PIEZO2: variants seen among roughly 807,000 people sequenced by gnomAD.
The protein encoded by PIEZO2 is piezo-type mechanosensitive ion channel component 2.
Under a neutral mutation model 337.3 loss-of-function variants are expected in PIEZO2, and 172 were observed. The observed-to-expected ratio is 0.51, with a 90% CI of 0.45 to 0.58. PIEZO2 has a LOEUF of 0.58. Ranked by LOEUF, PIEZO2 falls within the 20% of genes least tolerant of loss-of-function variation. The probability of loss-of-function intolerance (pLI) is 0.00; values close to 1 mark genes in which losing one functional copy is unlikely to be tolerated. For missense variants in PIEZO2, 3,028 were observed against 3,391.3 expected (o/e 0.89, Z 2.66); for synonymous variants, 1,251 against 1,228.5 (o/e 1.02, Z -0.38).
chr18:10,879,488 C>T (rs1029104791), intron 4 of PIEZO2, among the ~76,000 whole-genome samples: 13 of 151,430 alleles, frequency 8.6e-5, no homozygotes, highest in South Asian at 4.2e-4. Flanking sequence ...CTCCGCCTCC[C>T]GGGTTCATGC....
chr18:10,855,478 G>A lies in PIEZO2; in HGVS notation c.792C>T (p.Asp264=), dbSNP rs749553994. The A allele has an allele frequency of 2.0e-6, 3 of 1,537,122 alleles. 1 individual carries two copies. The highest frequency in any genetic ancestry group is 3.3e-4 in the Middle Eastern group (2 of 5,990). Reference sequence around the variant, plus strand: ...CACAGAGACAGCTGAACAGCAATGGGTCGAACGTCCGGCACCAGGACCACC... The same window carrying A: ...CACAGAGACAGCTGAACAGCAATGGATCGAACGTCCGGCACCAGGACCACC... The part of the protein sequence containing the change: ...CTWWSWCRTF[D]PLLFSCLCVL... The change falls in exon 7 of 56, where the codon GAC becomes GAT. Residue 264 remains aspartate (D), a synonymous_variant. Coordinates refer to ENST00000674853, the MANE Select transcript of PIEZO2 (RefSeq NM_001378183.1). This position sits in a 1 kb window ranked among gnomAD's most constrained non-coding sequence, Gnocchi z 4.9.
rs879437450 is a variant in PIEZO2 at position 10,759,225 on chromosome 18, GTGTT to G, written c.3757+253_3757+256del. Among the ~76,000 whole-genome samples, 1,666 of 141,896 alleles carry G rather than the reference GTGTT, an allele frequency of 0.012. 39 individuals carry two copies. The highest frequency in any genetic ancestry group is 0.038 in the African/African-American group (1,497 of 39,290). 93.1% of individuals were successfully genotyped at this position (141,896 alleles called of 152,430 possible). On this transcript the variant is annotated intron_variant, in intron 26 of 55. Transcript: ENST00000674853. The surrounding 1 kb of genome is among the most constrained non-coding windows in gnomAD (Gnocchi z 5.5). ...TAAATGTGTGTGTGTGTGTGTGTGTGTGTTTGTGTGTGTGTGTTGGGGGAAGTGA... is the reference window on the plus strand; with the variant it reads ...TAAATGTGTGTGTGTGTGTGTGTGTGTGTGTGTGTGTGTTGGGGGAAGTGA...
At chr18:10,774,386 T>A (rs2865124) in intron 18 of PIEZO2, among the ~76,000 whole-genome samples, 1 of 152,106 alleles carries the variant, frequency 6.6e-6, no homozygotes, top group Non-Finnish European at 1.5e-5. Flanking sequence ...TTTTAAAAAT[T>A]TCTTGAAAGA....
intron 2 of PIEZO2, among the ~76,000 whole-genome samples, chr18:11,013,949 A>G (rs1484531966): frequency 1.3e-5 from 2 of 152,254 alleles, no homozygotes; most frequent in Non-Finnish European, 2.9e-5. Context: ...ACCGAGGGAT[A>G]CAAGACAGCT....
intron 36 of PIEZO2, among the ~76,000 whole-genome samples, chr18:10,721,872 G>A (rs868409013): frequency 2.6e-5 from 4 of 152,086 alleles, no homozygotes; most frequent in East Asian, 3.9e-4. Context: ...AATTTAAGAC[G>A]TAGCCAGGTG....
intron 4 of PIEZO2, 70 bp from the exon 5 acceptor site, chr18:10,871,485 A>T (rs1247058575): frequency 4.3e-6 from 6 of 1,386,712 alleles, no homozygotes; most frequent in Non-Finnish European, 5.8e-6. Flanking sequence ...ACTGCCTTAT[A>T]GGATGTTTTG....
rs8089885 is a variant in PIEZO2 at position 10,817,644 on chromosome 18, C to T, written c.918-10370G>A. ...TCTTCAAAATAGTAGGACTTTATGG[C>T]TGGGCGCGGTGGCTCACGCCTGTAA... On this transcript the variant is annotated intron_variant, in intron 7 of 55. Transcript: ENST00000674853. 2.9e-3 allele frequency among the ~76,000 whole-genome samples: 443 copies of T among 152,248 alleles called. 2 individuals are homozygous for T. The highest frequency in any genetic ancestry group is 0.01 in the African/African-American group (421 of 41,544).
At chr18:10,927,416 G>A (rs1192436443) in intron 3 of PIEZO2, among the ~76,000 whole-genome samples, 1 of 152,102 alleles carries the variant, frequency 6.6e-6, no homozygotes, top group Non-Finnish European at 1.5e-5. Flanking sequence ...CCGTGGGTGG[G>A]GGACGCCTTG....
intron 3 of PIEZO2, among the ~76,000 whole-genome samples, chr18:10,974,731 C>A (rs900611567): frequency 3.1e-4 from 47 of 152,208 alleles, no homozygotes; most frequent in African/African-American, 1.1e-3. Context: ...CCTACCTCAG[C>A]ACTATCTGCA....
intron 1 of PIEZO2, among the ~76,000 whole-genome samples, chr18:11,113,062 T>A (rs2039782282): frequency 6.6e-6 from 1 of 152,186 alleles, no homozygotes; most frequent in African/African-American, 2.4e-5. Flanking sequence ...GCTGATTGAC[T>A]CATGAAATCC....
intron 3 of PIEZO2, among the ~76,000 whole-genome samples, chr18:10,963,512 G>A (rs974796129): frequency 1.6e-4 from 24 of 152,096 alleles, no homozygotes; most frequent in African/African-American, 3.9e-4. Context: ...CACATTAACC[G>A]GTTACATTAG....
chr18:10,691,154 T>A, intron 48 of PIEZO2, 71 bp downstream of exon 48: 1 of 1,506,270 alleles, frequency 6.6e-7, no homozygotes, highest in Non-Finnish European at 9.1e-7. Context: ...TACTTCCCAG[T>A]TGGGAATCAA....
chr18:10,802,451 C>A (rs72986085), intron 9 of PIEZO2, among the ~76,000 whole-genome samples: 42,532 of 151,974 alleles, frequency 0.28, 6,965 homozygotes, highest in Middle Eastern at 0.41. Context: ...TTTAAAAAAA[C>A]CCATTGTGTG....
chr18:11,103,459 T>C (rs1006493377), intron 1 of PIEZO2, among the ~76,000 whole-genome samples: 2 of 152,220 alleles, frequency 1.3e-5, no homozygotes, highest in Non-Finnish European at 2.9e-5. Context: ...CTAAGCCAGA[T>C]AGAATCTGAA....
At chr18:11,061,048 T>C (rs2037933779) in intron 2 of PIEZO2, among the ~76,000 whole-genome samples, 1 of 152,168 alleles carries the variant, frequency 6.6e-6, no homozygotes, top group Non-Finnish European at 1.5e-5. Flanking sequence ...CATAAAAAGC[T>C]TATCCACCAT....
In PIEZO2 at chr18:10,877,821, C is replaced by A. The variant is rs114596818; in HGVS notation, c.330-6406G>T. Among the ~76,000 whole-genome samples, 1 of 152,160 alleles carries A rather than the reference C, an allele frequency of 6.6e-6. No homozygotes were observed. Reference sequence around the variant, plus strand: ...CCCAGGAAACATCCACATTCCTAAGCGTGACAAGGGGCCCTCCACATCCCA... The same window carrying A: ...CCCAGGAAACATCCACATTCCTAAGAGTGACAAGGGGCCCTCCACATCCCA... On this transcript the variant is annotated intron_variant, in intron 4 of 55. Coordinates refer to ENST00000674853, the MANE Select transcript of PIEZO2 (RefSeq NM_001378183.1). This position sits in a 1 kb window ranked among gnomAD's most constrained non-coding sequence, Gnocchi z 5.3.
At chr18:10,804,519 G>A (rs181746574) in intron 8 of PIEZO2, among the ~76,000 whole-genome samples, 8 of 152,254 alleles carry the variant, frequency 5.3e-5, no homozygotes, top group Admixed American at 3.3e-4. Context: ...GAAGCGCTTC[G>A]GTGCCTTAGC....
At chr18:11,037,307 A>G (rs2036958152) in intron 2 of PIEZO2, among the ~76,000 whole-genome samples, 1 of 152,228 alleles carries the variant, frequency 6.6e-6, no homozygotes, top group Non-Finnish European at 1.5e-5. Context: ...CCCAACTTAA[A>G]AGATGTATCC....
chr18:10,747,885 C>G (rs2037489185), intron 30 of PIEZO2, among the ~76,000 whole-genome samples: 1 of 152,142 alleles, frequency 6.6e-6, no homozygotes, highest in Non-Finnish European at 1.5e-5. Flanking sequence ...TAGGCAAGGT[C>G]TGAGTTTCTG....
Sources: allele counts gnomAD v4.1 joint callset (sites outside exome capture counted in the v4.1 genomes callset), GRCh38; gene constraint gnomAD v4.1.1; non-coding constraint Gnocchi (gnomAD v3.1); transcripts MANE v1.5; gene names NCBI Gene and HGNC (gene_info 2026-07-23, HGNC 2026-07-21).